The following WDR11 variants were observed in gnomAD, a reference collection of about 807,000 sequenced individuals.
The protein encoded by WDR11 is WD repeat domain 11.
A neutral mutation model predicts 151.2 loss-of-function variants in WDR11; 83 were observed. That is an observed-to-expected ratio of 0.55 (90% CI 0.46 to 0.66). The LOEUF is 0.66. WDR11 is among the 30% of genes least tolerant of loss of function. The pLI is 0.00. For synonymous variants in WDR11, 484 were observed against 533.1 expected (o/e 0.91, Z 1.27); for missense variants, 1,301 against 1,480.9 (o/e 0.88, Z 1.99).
In WDR11 at chr10:120,909,300, T is replaced by G. The variant is rs530445913; in HGVS notation, c.*587T>G. 6.5e-6 allele frequency: 1 copy of G among 154,548 alleles called. No individual in the cohort carries two copies. The highest frequency in any genetic ancestry group is 2.0e-4 in the South Asian group (1 of 4,966). The allele number at this position is 154,548 out of a possible 1,614,324, so 9.6% of individuals were successfully genotyped here. A position where few individuals can be genotyped will look rare whatever the true frequency, so the allele number is the denominator to read the frequency against. On this transcript the variant is annotated 3_prime_UTR_variant, in exon 29 of 29. Transcript: ENST00000263461. ...TTTAGGCTCAGAGGACCATAGGAGG[T>G]TTTAAGATTTATGTTTAGTCCGATA...
chr10:120,864,036 A>G (rs906674462), intron 5 of WDR11, among the ~76,000 whole-genome samples: 3 of 152,190 alleles, frequency 2.0e-5, no homozygotes, highest in African/African-American at 7.2e-5. Flanking sequence ...CATATGAATT[A>G]TATGTATATC....
At chr10:120,864,787 A>G (rs928927411) in intron 5 of WDR11, among the ~76,000 whole-genome samples, 2 of 152,196 alleles carry the variant, frequency 1.3e-5, no homozygotes, top group Non-Finnish European at 2.9e-5. Flanking sequence ...TGTAATATTA[A>G]TAACTTAATA....
Position 120,905,340 on chromosome 10 carries a change from TGATA to T in WDR11, c.3220_3223del (p.Asp1074ArgfsTer26). 1 of 1,614,110 alleles carries T rather than the reference TGATA, an allele frequency of 6.2e-7. No individual in the cohort carries two copies. The highest frequency in any genetic ancestry group is 8.5e-7 in the Non-Finnish European group (1 of 1,180,020). ...TCAGAGGGCGTTCAGTTGCTCTGCC[TGATA>T]GATAAGGCTGCAGACGCCTGCCGCT... On this transcript the variant is annotated frameshift_variant, in exon 26 of 29. Coordinates refer to ENST00000263461, the MANE Select transcript of WDR11 (RefSeq NM_018117.12). LOFTEE classifies it high-confidence loss of function.
intron 11 of WDR11, among the ~76,000 whole-genome samples, chr10:120,877,014 A>G (rs1195987868): frequency 1.3e-5 from 2 of 152,230 alleles, no homozygotes; most frequent in Non-Finnish European, 2.9e-5. Context: ...GGCTGAGCCA[A>G]GATTTGTGCT....
At chr10:120,869,105 G>GTTTTTTTTTTTTT (rs1491035622) in intron 9 of WDR11, among the ~76,000 whole-genome samples, 1 of 71,634 alleles carries the variant, frequency 1.4e-5, no homozygotes. Flanking sequence ...ATAAATTACA[G>GTTTTTTTTTTTTT]GTTTTTTTTT....
At chr10:120,881,914 T>G (rs1000275630) in intron 13 of WDR11, among the ~76,000 whole-genome samples, 4 of 151,086 alleles carry the variant, frequency 2.6e-5, no homozygotes, top group East Asian at 1.9e-4. Context: ...CGAGCTGACA[T>G]CTTTGCTCTG....
intron 5 of WDR11, among the ~76,000 whole-genome samples, chr10:120,863,668 C>T (rs1846214351): frequency 6.6e-6 from 1 of 152,066 alleles, no homozygotes; most frequent in Non-Finnish European, 1.5e-5. Context: ...ATTGCTTTGG[C>T]AGGCTTTTTT....
In WDR11 at chr10:120,909,356, T is replaced by TCCTTTTATGATACATCA. The variant is rs1554862821; in HGVS notation, c.*645_*661dup. 6.5e-6 allele frequency: 1 copy of TCCTTTTATGATACATCA among 153,494 alleles called. No individual in the cohort carries two copies. Among genetic ancestry groups the TCCTTTTATGATACATCA allele is most frequent in the Non-Finnish European group, 1.5e-5 (1 of 68,646 alleles). The allele number at this position is 153,494 out of a possible 1,614,324, so 9.5% of individuals were successfully genotyped here. ...GGTCTTTGATATTTTGAATTTTAAC[T>TCCTTTTATGATACATCA]CCTTTTATGATACATCACAGTAACC... is the stretch of plus-strand genomic sequence containing the variant. On this transcript the variant is annotated 3_prime_UTR_variant, in exon 29 of 29. Coordinates refer to ENST00000263461, the MANE Select transcript of WDR11 (RefSeq NM_018117.12).
rs1847193528 is a variant in WDR11 at position 120,885,719 on chromosome 10, A to G, written c.1849-95A>G. The G allele has an allele frequency of 1.3e-5, 19 of 1,470,006 alleles. No individual in the cohort carries two copies. The South Asian group carries it at 1.8e-4, about 14-fold the overall frequency. The allele number at this position is 1,470,006 out of a possible 1,614,324, so 91.1% of individuals were successfully genotyped here. A position where few individuals can be genotyped will look rare whatever the true frequency, so the allele number is the denominator to read the frequency against. ...GATTCATGTGTAGTAATAATAAATG[A>G]TACTGGGCAGTGGTGTGTGTGCCCA... On this transcript the variant is annotated intron_variant, in intron 14 of 28. Coordinates refer to ENST00000263461, the MANE Select transcript of WDR11 (RefSeq NM_018117.12).
Position 120,873,916 on chromosome 10 carries a change from G to A in WDR11, c.1549G>A (p.Glu517Lys). The change falls in exon 11 of 29, where the codon GAA (glutamate) becomes AAA (lysine). Residue 517 changes from glutamate (E) to lysine (K), a missense_variant. Glu to Lys is a moderately conservative substitution (Grantham distance 56, BLOSUM62 1). This residue lies in a region of WDR11 where 692 missense variants were observed against 762.5 expected (regional missense o/e 0.91). Coordinates refer to ENST00000263461, the MANE Select transcript of WDR11 (RefSeq NM_018117.12). ...LHKELSIHSC[E>K]VKGIEWTSLT... ...CAAAGAGTTAAGCATCCACTCATGT[G>A]AAGTCAAGTAAGTATGTCATTGTGA... 6.2e-7 allele frequency: 1 copy of A among 1,608,756 alleles called. No individual in the cohort carries two copies. Among genetic ancestry groups the A allele is most frequent in the South Asian group, 1.1e-5 (1 of 90,992 alleles).
At chr10:120,862,963 G>A in intron 5 of WDR11, 42 bp downstream of exon 5, 3 of 1,289,962 alleles carry the variant, frequency 2.3e-6, no homozygotes, top group African/African-American at 1.5e-5. Context: ...TACTTATCTG[G>A]TATGAAAGCA....
chr10:120,874,176 G>GTTTTT (rs66873217), intron 11 of WDR11, among the ~76,000 whole-genome samples: 944 of 82,882 alleles, frequency 0.011, 27 homozygotes, highest in African/African-American at 0.019. Context: ...GGTTTTTGCA[G>GTTTTT]TTTTTTTTTT....
chr10:120,861,908 T>C (rs566525883), intron 4 of WDR11, among the ~76,000 whole-genome samples: 39 of 152,322 alleles, frequency 2.6e-4, no homozygotes, highest in African/African-American at 8.7e-4. Context: ...TACTGTTTTC[T>C]AAATATTAAG....
At position 120,886,678 on chromosome 10, in the gene WDR11, C is replaced by T; in HGVS notation, c.1974-11C>T. 1.9e-6 allele frequency: 3 copies of T among 1,613,084 alleles called. No individual in the cohort carries two copies. Among genetic ancestry groups the T allele is most frequent in the South Asian group, 1.1e-5 (1 of 90,926 alleles). Reference sequence around the variant, plus strand: ...AAAAACATCTTTATCATATGTTTCACTATCCCAAAGCTTGCTGCAGGAGGC... The same window carrying T: ...AAAAACATCTTTATCATATGTTTCATTATCCCAAAGCTTGCTGCAGGAGGC... On this transcript the variant is annotated splice_polypyrimidine_tract_variant and intron_variant, in intron 15 of 28. Coordinates refer to ENST00000263461, the MANE Select transcript of WDR11 (RefSeq NM_018117.12).
intron 23 of WDR11, 106 bp downstream of exon 23, chr10:120,903,338 T>C: frequency 7.3e-7 from 1 of 1,375,310 alleles, no homozygotes. Flanking sequence ...TACTGTTCAG[T>C]AATAGAAATA....
chr10:120,878,714 C>G (rs1846891738), intron 12 of WDR11, among the ~76,000 whole-genome samples: 1 of 152,030 alleles, frequency 6.6e-6, no homozygotes, highest in Admixed American at 6.6e-5. Flanking sequence ...AAATAGGATA[C>G]CGGTTCTACT....
chr10:120,882,107 A>G (rs1847028091), intron 13 of WDR11, among the ~76,000 whole-genome samples: 2 of 152,002 alleles, frequency 1.3e-5, no homozygotes, highest in Non-Finnish European at 2.9e-5. Flanking sequence ...ATATCATCAT[A>G]TGGTGTGTGT....
At chr10:120,853,005 G>A (rs3816174) in intron 2 of WDR11, among the ~76,000 whole-genome samples, 1 of 152,288 alleles carries the variant, frequency 6.6e-6, no homozygotes, top group South Asian at 2.1e-4. Context: ...TGCGTAACAC[G>A]CTGTGAGAAA....
chr10:120,851,409 C>T lies in WDR11; in HGVS notation c.-12C>T, dbSNP rs764556590. The T allele has an allele frequency of 6.2e-7, 1 of 1,606,064 alleles. No individual in the cohort carries two copies. The highest frequency in any genetic ancestry group is 2.2e-5 in the East Asian group (1 of 44,628). ...TGCGGGTCAGCGCCCAGGTCCTGGG[C>T]TGGCCGCCGGGATGTTGCCCTACAC... On this transcript the variant is annotated 5_prime_UTR_variant, in exon 1 of 29. Transcript: ENST00000263461.
Sources: allele counts gnomAD v4.1 joint callset (sites outside exome capture counted in the v4.1 genomes callset), GRCh38; gene constraint gnomAD v4.1.1; regional missense constraint gnomAD v4.1.1; transcripts MANE v1.5; gene names NCBI Gene and HGNC (gene_info 2026-07-23, HGNC 2026-07-21).